Variants in GRK7 observed in about 807,000 individuals in gnomAD.
The protein encoded by GRK7 is rhodopsin kinase GRK7.
GRK7 carries 24 observed loss-of-function variants against 34.1 expected under a neutral mutation model. That is an observed-to-expected ratio of 0.70 (90% CI 0.51 to 0.99). The LOEUF (loss-of-function observed/expected upper bound fraction) is 0.99, where lower values mean the gene tolerates loss of function less well. Among genes scored for constraint, GRK7 ranks in the 50% least tolerant of loss-of-function variants. The probability of loss-of-function intolerance (pLI) is 0.00; values close to 1 mark genes in which losing one functional copy is unlikely to be tolerated. For synonymous variants in GRK7, 256 were observed against 279.4 expected, an observed-to-expected ratio of 0.92 and a Z score of 0.84; for missense variants, 644 against 707.3, an observed-to-expected ratio of 0.91 and a Z score of 1.02.
Position 141,763,722 on chromosome 3 carries a change from C to G in GRK7, c.-2231C>G, listed in dbSNP as rs1446467287. ...CAACACAAGAAACCCAGTTTTCCAG[C>G]TCAACTCACATTCTCCTAACTCTAA... On this transcript the variant is annotated 5_prime_UTR_variant, in exon 1 of 6. Coordinates refer to ENST00000682958, the MANE Select transcript of GRK7 (RefSeq NM_139209.3). Among the ~76,000 whole-genome samples, 1 of 152,170 alleles carries G rather than the reference C, an allele frequency of 6.6e-6. No homozygotes were observed. The highest frequency in any genetic ancestry group is 6.5e-5 in the Admixed American group (1 of 15,274).
chr3:141,798,501 T>C (rs892176590), intron 4 of GRK7, among the ~76,000 whole-genome samples: 1 of 152,086 alleles, frequency 6.6e-6, no homozygotes, highest in African/African-American at 2.4e-5. Context: ...GTGCTGATAC[T>C]CGGGCAATCC....
chr3:141,807,577 A>G (rs1711048096), intron 4 of GRK7, 68 bp from the exon 5 acceptor site: 9 of 1,354,872 alleles, frequency 6.6e-6, no homozygotes, highest in Non-Finnish European at 9.3e-6. Context: ...GGCAGTCAGC[A>G]GTGTCTGCTA....
rs755170134 is a variant in GRK7 at position 141,778,631 on chromosome 3, C to T, written c.347C>T (p.Ala116Val). The change falls in exon 3 of 6, where the codon GCC (alanine) becomes GTC (valine). Residue 116 changes from alanine (A) to valine (V), a missense_variant. Coordinates refer to ENST00000682958, the MANE Select transcript of GRK7 (RefSeq NM_139209.3). The surrounding 1 kb of genome is among the most constrained non-coding windows in gnomAD (Gnocchi z 4.1). ...LQGLVATCAS[A>V]PAPGNPQPFL... ...GGGCTGGTGGCCACTTGTGCGAGTG[C>T]CCCTGCCCCGGGGAACCCGCAACCC... 285 of 1,612,500 alleles carry T rather than the reference C, an allele frequency of 1.8e-4. No homozygotes were observed. The highest frequency in any genetic ancestry group is 2.2e-5 in the South Asian group (2 of 90,936).
intron 5 of GRK7, among the ~76,000 whole-genome samples, chr3:141,814,105 CA>C (rs1711122497): frequency 1.3e-5 from 2 of 151,914 alleles, no homozygotes; most frequent in South Asian, 4.2e-4. Flanking sequence ...AATCCTTTCC[CA>C]AAAAGCTTTT....
chr3:141,790,518 A>G (rs944137581), intron 4 of GRK7, among the ~76,000 whole-genome samples: 2 of 151,554 alleles, frequency 1.3e-5, no homozygotes, highest in Non-Finnish European at 2.9e-5. Context: ...CTTCTTACCC[A>G]TAGGTGCAGC....
intron 4 of GRK7, among the ~76,000 whole-genome samples, chr3:141,781,193 G>T (rs1167383396): frequency 2.6e-5 from 4 of 152,100 alleles, no homozygotes; most frequent in Non-Finnish European, 4.4e-5. Flanking sequence ...GAAGGGGCTG[G>T]ACCCTAAAAT....
intron 1 of GRK7, among the ~76,000 whole-genome samples, 103 bp from the exon 2 acceptor site, chr3:141,774,477 C>A (rs1176453655): frequency 2.0e-5 from 3 of 151,952 alleles, no homozygotes; most frequent in African/African-American, 7.2e-5. Flanking sequence ...TTTAAATAGA[C>A]CTTCAAGAAG....
chr3:141,797,047 G>A (rs1382849947), intron 4 of GRK7, among the ~76,000 whole-genome samples: 3 of 152,212 alleles, frequency 2.0e-5, no homozygotes, highest in Non-Finnish European at 4.4e-5. Flanking sequence ...CTTATAACTG[G>A]TAGAGCTGGG....
chr3:141,784,775 C>T (rs908571327), intron 4 of GRK7, among the ~76,000 whole-genome samples: 4 of 152,178 alleles, frequency 2.6e-5, no homozygotes, highest in African/African-American at 9.7e-5. Flanking sequence ...GTGTTGGAAA[C>T]TTAATCTCCA....
Position 141,764,355 on chromosome 3 carries a change from G to T in GRK7, c.-1598G>T, listed in dbSNP as rs2084570152. On this transcript the variant is annotated 5_prime_UTR_variant, in exon 1 of 6. In the 5' UTR this introduces an upstream ATG that the reference lacks. Transcript: ENST00000682958. ...TTCTCTGTTGAACTGACTCTCATAA[G>T]GTTTTCATCCCACTACTTCATAGAA... Among the ~76,000 whole-genome samples the T allele has an allele frequency of 6.6e-6, 1 of 152,114 alleles. No individual in the cohort carries two copies. Among genetic ancestry groups the T allele is most frequent in the African/African-American group, 2.4e-5 (1 of 41,402 alleles).
At chr3:141,789,418 G>C (rs993040512) in intron 4 of GRK7, among the ~76,000 whole-genome samples, 1 of 152,082 alleles carries the variant, frequency 6.6e-6, no homozygotes, top group Non-Finnish European at 1.5e-5. Flanking sequence ...CACTCCCACA[G>C]AGGGAAAACA....
chr3:141,778,327 G>T lies in GRK7; in HGVS notation c.43G>T (p.Ala15Ser). ...CCTGGACAACCTGATCGCCAACACC[G>T]CCTACCTGCAGGCCCGGAAGCCCTC... ...GALDNLIANT[A>S]YLQARKPSDC... Residue 15 changes from alanine (A) to serine (S), a missense_variant, in exon 3 of 6, where the codon GCC becomes TCC. Ala to Ser is a moderately conservative substitution (Grantham distance 99, BLOSUM62 1). Coordinates refer to ENST00000682958, the MANE Select transcript of GRK7 (RefSeq NM_139209.3). The surrounding 1 kb of genome is among the most constrained non-coding windows in gnomAD (Gnocchi z 4.1). The T allele has an allele frequency of 1.9e-6, 3 of 1,600,310 alleles. No homozygotes were observed. In the South Asian group the frequency reaches 3.3e-5, roughly 18 times the overall value.
chr3:141,790,550 A>G (rs910979796), intron 4 of GRK7, among the ~76,000 whole-genome samples: 1 of 146,030 alleles, frequency 6.8e-6, no homozygotes, highest in Non-Finnish European at 1.5e-5. Context: ...TGTTCCAGCC[A>G]CTGTCTACAT....
In GRK7 at chr3:141,807,654, A is replaced by T. The variant is rs1303363838; in HGVS notation, c.1060A>T (p.Asn354Tyr). The T allele has an allele frequency of 1.2e-6, 2 of 1,614,056 alleles. No homozygotes were observed. Among genetic ancestry groups the T allele is most frequent in the African/African-American group, 2.7e-5 (2 of 75,068 alleles). ...GTTTGGGATGTTACAGGCTGGAACC[A>T]ATGGTTACATGGCTCCTGAGATCCT... ...GKPITQRAGT[N>Y]GYMAPEILME... Residue 354 changes from asparagine to tyrosine, a missense_variant, in exon 5 of 6, where the codon AAT (asparagine) becomes TAT (tyrosine). Coordinates refer to ENST00000682958, the MANE Select transcript of GRK7 (RefSeq NM_139209.3).
chr3:141,817,696 A>G lies in GRK7; in HGVS notation c.*646A>G, dbSNP rs544417502. The G allele has an allele frequency of 4.6e-5, 7 of 152,364 alleles. No individual in the cohort carries two copies. The South Asian group carries it at 1.4e-3, about 32-fold the overall frequency. The allele number at this position is 152,364 out of a possible 1,614,324, so 9.4% of individuals were successfully genotyped here. ...ATCTGTGAATTAAAGCATTCTGTAA[A>G]TTTAGTTGAGTCCTTTAAGTAATAT... On this transcript the variant is annotated 3_prime_UTR_variant, in exon 6 of 6. Coordinates refer to ENST00000682958, the MANE Select transcript of GRK7 (RefSeq NM_139209.3).
intron 4 of GRK7, among the ~76,000 whole-genome samples, chr3:141,787,693 T>C (rs2084703499): frequency 6.6e-6 from 1 of 151,856 alleles, no homozygotes; most frequent in South Asian, 2.1e-4. Context: ...GATAATATTT[T>C]CCTTTCTCAC....
At chr3:141,791,958 C>T (rs1295434415) in intron 4 of GRK7, among the ~76,000 whole-genome samples, 3 of 139,058 alleles carry the variant, frequency 2.2e-5, no homozygotes, top group Non-Finnish European at 4.5e-5. Context: ...GAGCCGAAAT[C>T]ATGCCATTGC....
At chr3:141,765,777 G>C (rs760758547) in intron 1 of GRK7, among the ~76,000 whole-genome samples, 39 bp downstream of exon 1, 2 of 152,138 alleles carry the variant, frequency 1.3e-5, no homozygotes, top group Non-Finnish European at 2.9e-5. Context: ...AAGCAAATCT[G>C]TATATTTGTG....
chr3:141,772,298 T>C (rs1308671458), intron 1 of GRK7, among the ~76,000 whole-genome samples: 1 of 152,058 alleles, frequency 6.6e-6, no homozygotes, highest in African/African-American at 2.4e-5. Context: ...TTTCACCATA[T>C]TGGCCAGGCT....
Sources: allele counts gnomAD v4.1 joint callset (sites outside exome capture counted in the v4.1 genomes callset), GRCh38; gene constraint gnomAD v4.1.1; non-coding constraint Gnocchi (gnomAD v3.1); transcripts MANE v1.5; gene names NCBI Gene and HGNC (gene_info 2026-07-23, HGNC 2026-07-21).